LTA4H: variants seen among roughly 807,000 people sequenced by gnomAD.
LTA4H encodes leukotriene A4 hydrolase.
Under a neutral mutation model 89.8 loss-of-function variants are expected in LTA4H, and 59 were observed. That is an observed-to-expected ratio of 0.66 (90% CI 0.53 to 0.82). LTA4H has a LOEUF of 0.82. Among genes scored for constraint, LTA4H ranks in the 40% least tolerant of loss-of-function variants. The pLI, the probability that LTA4H is intolerant of heterozygous loss-of-function variation, is 0.00. For synonymous variants in LTA4H, 227 were observed against 253.1 expected (o/e 0.90, Z 0.98); for missense variants, 617 against 727.0 (o/e 0.85, Z 1.74).
Position 96,014,842 on chromosome 12 carries a change from A to T in LTA4H, c.1204+13T>A. 6.3e-7 allele frequency: 1 copy of T among 1,586,810 alleles called. No individual in the cohort carries two copies. Among genetic ancestry groups the T allele is most frequent in the Non-Finnish European group, 8.5e-7 (1 of 1,172,984 alleles). ...AAAAAGAAAAAAAAAATCATAAAAT[A>T]CCAACTACTTACCTGGTCCTCCAAG... On this transcript the variant is annotated intron_variant, in intron 12 of 18. Coordinates refer to ENST00000228740, the MANE Select transcript of LTA4H (RefSeq NM_000895.3).
At chr12:96,015,837 C>G in intron 10 of LTA4H, 143 bp from the exon 11 acceptor site, 2 of 615,044 alleles carry the variant, frequency 3.3e-6, no homozygotes, top group Non-Finnish European at 5.7e-6. Flanking sequence ...CTCTGGCTCC[C>G]AGGCAGTCAA....
At chr12:96,008,019 T>A (rs936935607) in intron 15 of LTA4H, among the ~76,000 whole-genome samples, 61 of 152,138 alleles carry the variant, frequency 4.0e-4, no homozygotes, top group African/African-American at 1.5e-3. Context: ...TGTATATTCA[T>A]GGACATAAAA....
chr12:96,004,569 G>GA (rs1213444575), intron 16 of LTA4H, among the ~76,000 whole-genome samples: 1 of 152,148 alleles, frequency 6.6e-6, no homozygotes, highest in Non-Finnish European at 1.5e-5. Context: ...GTGAAGGAAA[G>GA]AAAAAAGATG....
Position 96,006,400 on chromosome 12 carries a change from C to G in LTA4H, c.1444G>C (p.Asp482His). 1 of 1,599,132 alleles carries G rather than the reference C, an allele frequency of 6.3e-7. No individual in the cohort carries two copies. ...LSQRWITAKEDDLNSFNATDL... is the reference protein window; with the variant it reads ...LSQRWITAKEHDLNSFNATDL... ...GTGGCATTGAATGAATTTAAATCATCTTCTTTGGCCTGAAATAAATGTTAC... is the reference window on the plus strand; with the variant it reads ...GTGGCATTGAATGAATTTAAATCATGTTCTTTGGCCTGAAATAAATGTTAC... Residue 482 changes from aspartate (D) to histidine (H), a missense_variant, in exon 16 of 19, where the codon GAT (aspartate) becomes CAT (histidine). Asp to His is a moderately conservative substitution (Grantham distance 81). Around this residue, in one of 3 missense-constraint regions of LTA4H, gnomAD observed 290 missense variants for 339.1 expected, o/e 0.86. Transcript: ENST00000228740.
chr12:96,006,775 C>T (rs189858725), intron 15 of LTA4H, among the ~76,000 whole-genome samples: 4 of 152,186 alleles, frequency 2.6e-5, no homozygotes, highest in Non-Finnish European at 4.4e-5. Flanking sequence ...AGAATGAAAT[C>T]GTATATTTTT....
At chr12:96,001,184 G>A in intron 18 of LTA4H, 78 bp from the exon 19 acceptor site, 1 of 863,228 alleles carries the variant, frequency 1.2e-6, no homozygotes. Flanking sequence ...AGAGAAGAAA[G>A]AAAGGAGGGA....
Position 96,009,133 on chromosome 12 carries a change from CAG to C in LTA4H, c.1393_1394del (p.Leu465AspfsTer18). The C allele has an allele frequency of 1.2e-6, 2 of 1,605,914 alleles. No individual in the cohort carries two copies. The highest frequency in any genetic ancestry group is 1.7e-6 in the Non-Finnish European group (2 of 1,173,790). On this transcript the variant is annotated frameshift_variant, in exon 15 of 19. Coordinates refer to ENST00000228740, the MANE Select transcript of LTA4H (RefSeq NM_000895.3). LOFTEE classifies it high-confidence loss of function. Reference protein sequence around the residue: ...PPIKPNYDMTLTNACIALSQR... With the variant: ...PPIKPNYDMTXTNACIALSQR... ...GACTTAAGGCAATACAAGCATTTGT[CAG>C]AGTCATATCATAACTGCAAAGATAA... is the stretch of plus-strand genomic sequence containing the variant.
At position 96,013,697 on chromosome 12, in the gene LTA4H, A is replaced by G; in HGVS notation, c.1308+53T>C. ...ATAATACAAGTTAACCTAATCAGTC[A>G]ATAAATAGAGATATATCGAGCATGA... On this transcript the variant is annotated intron_variant, in intron 13 of 18. Transcript: ENST00000228740. The G allele has an allele frequency of 5.4e-6, 5 of 928,556 alleles. No individual in the cohort carries two copies. In the South Asian group the frequency reaches 7.1e-5, roughly 13 times the overall value. 57.5% of individuals were successfully genotyped at this position (928,556 alleles called of 1,614,324 possible). A position where few individuals can be genotyped will look rare whatever the true frequency, so the allele number is the denominator to read the frequency against.
At chr12:96,043,399 A>G in exon 1 of LTA4H, 1 of 1,417,746 alleles carries the variant, frequency 7.1e-7, no homozygotes, top group African/African-American at 1.4e-5. Context: ...GAGGAGGTGT[A>G]GACAGGAGGA....
At chr12:96,016,833 A>G (rs993818721) in intron 10 of LTA4H, among the ~76,000 whole-genome samples, 1 of 151,718 alleles carries the variant, frequency 6.6e-6, no homozygotes, top group Admixed American at 6.6e-5. Context: ...CCTGGGAGGC[A>G]GAGCTTGCAG....
chr12:96,028,386 G>A (rs2136913042), intron 2 of LTA4H, among the ~76,000 whole-genome samples: 1 of 152,302 alleles, frequency 6.6e-6, no homozygotes, highest in Middle Eastern at 3.4e-3. Flanking sequence ...TAAAGGGAAA[G>A]AGAAGGCATG....
chr12:96,025,526 T>G (rs1345010714), intron 3 of LTA4H: 3 of 152,238 alleles, frequency 2.0e-5, no homozygotes, highest in African/African-American at 7.2e-5. Flanking sequence ...TTATTAACAT[T>G]GGTTCCATCC....
intron 3 of LTA4H, chr12:96,025,200 C>G (rs1360819778): frequency 6.6e-6 from 1 of 152,224 alleles, no homozygotes; most frequent in Non-Finnish European, 1.5e-5. Flanking sequence ...TACTGCACCA[C>G]TGTCTTGCAG....
upstream of LTA4H, among the ~76,000 whole-genome samples, chr12:96,037,205 C>T (rs1008578527): frequency 6.6e-6 from 1 of 152,102 alleles, no homozygotes; most frequent in Non-Finnish European, 1.5e-5. Context: ...TGGAGATGTC[C>T]ATGAGTCACT....
intron 12 of LTA4H, chr12:96,014,344 C>A: frequency 6.4e-6 from 1 of 157,326 alleles, no homozygotes; most frequent in East Asian, 1.9e-4. Flanking sequence ...TTTATATGTA[C>A]TGACACAGAA....
chr12:96,026,810 G>A (rs776341239), intron 3 of LTA4H, among the ~76,000 whole-genome samples: 4 of 152,098 alleles, frequency 2.6e-5, no homozygotes, highest in Non-Finnish European at 5.9e-5. Flanking sequence ...ATGAAAAGTA[G>A]GTATTTTTTC....
rs753936155 is a variant in LTA4H at position 96,001,030 on chromosome 12, C to T, written c.1795G>A (p.Val599Met). 2.1e-5 allele frequency: 34 copies of T among 1,614,040 alleles called. No homozygotes were observed. The highest frequency in any genetic ancestry group is 2.7e-5 in the African/African-American group (2 of 75,022). ...YQEHKASMHP[V>M]TAMLVGKDLK... ...TCTTTCCCCACCAGCATTGCAGTCA[C>T]GGGATGCATGCTTGCTTTGTGCTCT... The change falls in exon 19 of 19, where the codon GTG (valine) becomes ATG (methionine). Residue 599 changes from valine (V) to methionine (M), a missense_variant. Around this residue, in one of 3 missense-constraint regions of LTA4H, gnomAD observed 290 missense variants for 339.1 expected, o/e 0.86. Transcript: ENST00000228740.
chr12:96,009,519 G>T, intron 14 of LTA4H: 1 of 188,482 alleles, frequency 5.3e-6, no homozygotes, highest in South Asian at 1.2e-4. Flanking sequence ...ACAACATCAA[G>T]TCCTTGCTGT....
chr12:96,003,283 A>T (rs894307872), intron 17 of LTA4H, among the ~76,000 whole-genome samples: 2 of 152,256 alleles, frequency 1.3e-5, no homozygotes, highest in African/African-American at 4.8e-5. Context: ...TTCTTGAAAA[A>T]GATCATATAT....
Sources: allele counts gnomAD v4.1 joint callset (sites outside exome capture counted in the v4.1 genomes callset), GRCh38; gene constraint gnomAD v4.1.1; regional missense constraint gnomAD v4.1.1; transcripts MANE v1.5; gene names NCBI Gene and HGNC (gene_info 2026-07-23, HGNC 2026-07-21).